PAK1: variants seen among roughly 807,000 people sequenced by gnomAD.
PAK1 encodes p21 (RAC1) activated kinase 1, also known as serine/threonine-protein kinase PAK 1.
In PAK1, 29 loss-of-function variants were observed where a neutral mutation model predicts 67.4. That is an observed-to-expected ratio of 0.43 (90% confidence interval 0.32 to 0.59). The LOEUF is 0.59. PAK1 is among the 20% of genes least tolerant of loss of function. PAK1 has a pLI of 0.07. For missense variants in PAK1, 337 were observed against 670.7 expected (o/e 0.50, Z 5.50); for synonymous variants, 223 against 237.4 (o/e 0.94, Z 0.56).
chr11:77,466,586 G>A (rs1957607993), intron 1 of PAK1, among the ~76,000 whole-genome samples: 1 of 151,038 alleles, frequency 6.6e-6, no homozygotes, highest in Non-Finnish European at 1.5e-5. Flanking sequence ...CTGGGCGACA[G>A]AGCAAGACTC....
chr11:77,330,364 A>G (rs906234072), intron 14 of PAK1, among the ~76,000 whole-genome samples: 1 of 152,162 alleles, frequency 6.6e-6, no homozygotes, highest in African/African-American at 2.4e-5. Flanking sequence ...TGGAGGCATC[A>G]CACTACCTGA....
the PAK1 span, among the ~76,000 whole-genome samples, chr11:77,488,060 G>A: frequency 1.3e-5 from 2 of 152,220 alleles, no homozygotes; most frequent in Non-Finnish European, 2.9e-5. Flanking sequence ...TCCAGCTCCA[G>A]GTGGCTCAGC....
chr11:77,494,318 C>T, the PAK1 span, among the ~76,000 whole-genome samples: 2 of 151,602 alleles, frequency 1.3e-5, no homozygotes, highest in African/African-American at 4.9e-5. Flanking sequence ...TCTCTATGTA[C>T]TAGTGTGAAA....
intron 1 of PAK1, among the ~76,000 whole-genome samples, chr11:77,433,791 A>G (rs1342457130): frequency 6.6e-6 from 1 of 152,194 alleles, no homozygotes; most frequent in East Asian, 1.9e-4. Context: ...AAAATAAATA[A>G]ACAGTAAAAA....
chr11:77,367,396 A>G (rs934520400), intron 5 of PAK1, among the ~76,000 whole-genome samples: 1 of 152,192 alleles, frequency 6.6e-6, no homozygotes, highest in African/African-American at 2.4e-5. Context: ...AAAACAAATG[A>G]GGCAAAGGGC....
At chr11:77,324,764 CACACACACACACAGAGAGAGAGAGAG>C (rs1442070005) in intron 14 of PAK1, among the ~76,000 whole-genome samples, 1 of 136,946 alleles carries the variant, frequency 7.3e-6, no homozygotes, top group African/African-American at 3.6e-5. Flanking sequence ...CACACACACA[CACACACACACACAGAGAGAGAGAGAG>C]ACAGAGAGAG....
intron 10 of PAK1, among the ~76,000 whole-genome samples, 182 bp downstream of exon 10, chr11:77,343,634 CAGA>C (rs1373320150): frequency 6.6e-6 from 1 of 152,094 alleles, no homozygotes; most frequent in East Asian, 1.9e-4. Flanking sequence ...CAGCCTAACA[CAGA>C]AGGATTTCCC....
At chr11:77,365,833 A>G (rs898170080) in intron 5 of PAK1, among the ~76,000 whole-genome samples, 8 of 127,066 alleles carry the variant, frequency 6.3e-5, no homozygotes, top group African/African-American at 2.7e-4. Flanking sequence ...ACTCCGTCTC[A>G]GAAAAAGAAA....
chr11:77,385,194 T>C lies in PAK1; in HGVS notation c.191-5200A>G, dbSNP rs115415324. On this transcript the variant is annotated intron_variant, in intron 2 of 14. Transcript: ENST00000356341. ...TCCTCACCACTTCTATTCATCATAGTACTGAAGGTATTAACCAGTGCAATT... is the reference window on the plus strand; with the variant it reads ...TCCTCACCACTTCTATTCATCATAGCACTGAAGGTATTAACCAGTGCAATT... Among the ~76,000 whole-genome samples the C allele has an allele frequency of 3.7e-3, 570 of 152,284 alleles. 6 individuals carry two copies. Among genetic ancestry groups the C allele is most frequent in the African/African-American group, 0.013 (531 of 41,552 alleles).
intron 1 of PAK1, among the ~76,000 whole-genome samples, chr11:77,402,816 C>G (rs1471820087): frequency 2.0e-5 from 3 of 152,202 alleles, no homozygotes; most frequent in Non-Finnish European, 4.4e-5. Context: ...ACAGTCCTCC[C>G]ACCTCTAAAA....
intron 1 of PAK1, among the ~76,000 whole-genome samples, chr11:77,413,576 G>A (rs532098887): frequency 1.9e-4 from 29 of 152,204 alleles, no homozygotes; most frequent in African/African-American, 6.0e-4. Context: ...CCAGCTACTC[G>A]GGAGGCTGAG....
chr11:77,509,236 C>A, the PAK1 span, among the ~76,000 whole-genome samples: 1 of 151,178 alleles, frequency 6.6e-6, no homozygotes, highest in African/African-American at 2.4e-5. Context: ...CCAGCCTGGG[C>A]GACTGAGCGA....
intron 1 of PAK1, among the ~76,000 whole-genome samples, chr11:77,459,679 C>CTCTTCTTCTTCT (rs202235813): frequency 7.0e-6 from 1 of 142,770 alleles, no homozygotes; most frequent in Non-Finnish European, 1.5e-5. Flanking sequence ...AACAGAGGGG[C>CTCTTCTTCTTCT]TCTTCTTCTT....
chr11:77,490,656 G>T, the PAK1 span, among the ~76,000 whole-genome samples: 1 of 152,160 alleles, frequency 6.6e-6, no homozygotes, highest in Non-Finnish European at 1.5e-5. Context: ...GAACGGGCCA[G>T]GATGACAATG....
chr11:77,357,042 G>A (rs1946124898), intron 6 of PAK1, among the ~76,000 whole-genome samples: 1 of 152,152 alleles, frequency 6.6e-6, no homozygotes. Flanking sequence ...CTTACTAAAA[G>A]AAAGCAAGCA....
the PAK1 span, among the ~76,000 whole-genome samples, chr11:77,502,701 A>G: frequency 6.6e-6 from 1 of 152,138 alleles, no homozygotes; most frequent in Admixed American, 6.6e-5. Flanking sequence ...AGCTGCCCTC[A>G]AGGAGCTATG....
chr11:77,335,052 T>C (rs1942433884), intron 13 of PAK1, among the ~76,000 whole-genome samples: 1 of 152,158 alleles, frequency 6.6e-6, no homozygotes, highest in Non-Finnish European at 1.5e-5. Flanking sequence ...CACACTGTTC[T>C]CTTCATCTCC....
chr11:77,330,287 TA>T (rs1941165046), intron 14 of PAK1, among the ~76,000 whole-genome samples: 6 of 152,014 alleles, frequency 3.9e-5, no homozygotes, highest in Admixed American at 3.9e-4. Flanking sequence ...AAAACTACTT[TA>T]AAGTTCATAT....
intron 10 of PAK1, among the ~76,000 whole-genome samples, chr11:77,342,885 CT>C (rs35338818): frequency 1.4e-5 from 2 of 146,918 alleles, no homozygotes; most frequent in Admixed American, 6.8e-5. Context: ...AGAAGCTTAA[CT>C]TTTTTTTTTT....
Sources: gnomAD v4.1 joint callset for allele counts (sites outside exome capture counted in the v4.1 genomes callset) on GRCh38, gnomAD v4.1.1 for gene constraint, MANE v1.5 for transcripts, NCBI Gene and HGNC (gene_info 2026-07-23, HGNC 2026-07-21) for gene names.